The following TTF2 variants were observed in gnomAD, a reference collection of about 807,000 sequenced individuals.
TTF2 encodes the protein RNA polymerase II termination factor.
TTF2 carries 108 observed loss-of-function variants against 142.4 expected under a neutral mutation model. The observed-to-expected ratio is 0.76, with a 90% CI of 0.65 to 0.89. TTF2 has a LOEUF of 0.89. Ranked by LOEUF, TTF2 falls within the 40% of genes least tolerant of loss-of-function variation. The pLI is 0.00. For synonymous variants in TTF2, 483 were observed against 506.2 expected (o/e 0.95, Z 0.61); for missense variants, 1,327 against 1,379.8 (o/e 0.96, Z 0.61).
chr1:117,097,188 G>T lies in TTF2; in HGVS notation c.3187-163G>T, dbSNP rs1649223704. Among the ~76,000 whole-genome samples the T allele has an allele frequency of 1.3e-5, 2 of 150,880 alleles. 1 individual carries two copies. Among genetic ancestry groups the T allele is most frequent in the South Asian group, 4.2e-4 (2 of 4,768 alleles). ...GAATTTTCTCAAAAGTGAGACATGG[G>T]AGATAGCATTATAATGTTAAAAAAA... On this transcript the variant is annotated intron_variant, in intron 20 of 22. Transcript: ENST00000369466. The surrounding 1 kb of genome is among the most constrained non-coding windows in gnomAD (Gnocchi z 4.1).
intron 2 of TTF2, among the ~76,000 whole-genome samples, chr1:117,062,039 G>T (rs73006014): frequency 0.01 from 1,598 of 152,306 alleles, 30 homozygotes; most frequent in African/African-American, 0.037. Flanking sequence ...TAGAGGGAAA[G>T]GATGAAGGGA....
At position 117,080,888 on chromosome 1, in the gene TTF2, G is replaced by A. The variant is rs1647445198; in HGVS notation, c.1784-940G>A. Among the ~76,000 whole-genome samples, 1 of 152,124 alleles carries A rather than the reference G, an allele frequency of 6.6e-6. No individual in the cohort carries two copies. Among genetic ancestry groups the A allele is most frequent in the Admixed American group, 6.5e-5 (1 of 15,280 alleles). On this transcript the variant is annotated intron_variant, in intron 9 of 22. Transcript: ENST00000369466. The surrounding 1 kb of genome is among the most constrained non-coding windows in gnomAD (Gnocchi z 4.3). ...GGGAGTTGTGACAACAGGCGTCAAA[G>A]GTTCCCTAGGAAGCTCATTAGAGAT...
rs774108481 is a variant in TTF2, at chr1:117,081,871, C to T, written c.1827C>T (p.Leu609=). The change falls in exon 10 of 23, where the codon CTC becomes CTT. Residue 609 remains leucine, a synonymous_variant. Transcript: ENST00000369466. ...GLGKTLTMIA[L]ILTQKNQEKK... Reference sequence around the variant, plus strand: ...GAAAAACCCTGACAATGATTGCGCTCATCCTGACCCAGAAGAATCAAGAGA... The same window carrying T: ...GAAAAACCCTGACAATGATTGCGCTTATCCTGACCCAGAAGAATCAAGAGA... 1.9e-6 allele frequency: 3 copies of T among 1,614,138 alleles called. No individual in the cohort carries two copies. The highest frequency in any genetic ancestry group is 2.2e-5 in the East Asian group (1 of 44,872).
At chr1:117,089,009 ATATGAACCCTGTCTG>A in intron 13 of TTF2, 27 bp downstream of exon 13, 1 of 1,578,116 alleles carries the variant, frequency 6.3e-7, no homozygotes, top group South Asian at 1.2e-5. Flanking sequence ...GATTGTGTAA[ATATGAACCCTGTCTG>A]TATCCCTTCA....
chr1:117,076,818 A>G lies in TTF2; in HGVS notation c.1568A>G (p.Tyr523Cys), dbSNP rs758676097. ...QVTAGGSSQC[Y>C]RGHTNQDHVH... Reference sequence around the variant, plus strand: ...ACTGCTGGAGGATCCAGTCAGTGCTATCGAGGTAAGACCCAAGGGCCTGAC... The same window carrying G: ...ACTGCTGGAGGATCCAGTCAGTGCTGTCGAGGTAAGACCCAAGGGCCTGAC... Residue 523 changes from tyrosine to cysteine, a missense_variant, in exon 7 of 23, where the codon TAT becomes TGT. Tyr to Cys is a radical substitution (Grantham distance 194, BLOSUM62 -2). Coordinates refer to ENST00000369466, the MANE Select transcript of TTF2 (RefSeq NM_003594.4). The surrounding 1 kb of genome is among the most constrained non-coding windows in gnomAD (Gnocchi z 4.6). The G allele has an allele frequency of 6.2e-7, 1 of 1,611,966 alleles. No individual in the cohort carries two copies. The highest frequency in any genetic ancestry group is 1.6e-4 in the Middle Eastern group (1 of 6,076).
rs374532982 is a variant in TTF2 at position 117,088,791 on chromosome 1, A to C, written c.2161-10A>C. ...ATATTGTGGCTGGATTTCACTTGTGATTCTTCCAGGGCACCTCAACACCTT... is the reference window on the plus strand; with the variant it reads ...ATATTGTGGCTGGATTTCACTTGTGCTTCTTCCAGGGCACCTCAACACCTT... On this transcript the variant is annotated splice_polypyrimidine_tract_variant and intron_variant, in intron 12 of 22. Coordinates refer to ENST00000369466, the MANE Select transcript of TTF2 (RefSeq NM_003594.4). 4.3e-6 allele frequency: 7 copies of C among 1,610,800 alleles called. No individual in the cohort carries two copies. The highest frequency in any genetic ancestry group is 4.2e-6 in the Non-Finnish European group (5 of 1,178,702).
At chr1:117,066,045 C>G (rs1459107757) in intron 3 of TTF2, among the ~76,000 whole-genome samples, 1 of 143,778 alleles carries the variant, frequency 7.0e-6, no homozygotes, top group Non-Finnish European at 1.5e-5. Flanking sequence ...CTGTATTACC[C>G]AGCCTGGTCT....
rs146171442 is a variant in TTF2 at position 117,071,035 on chromosome 1, A to G, written c.219-2626A>G. ...GAAGGAAAGCAGAAGGAAGGAATTA[A>G]TGTTGGTAAAAATTGCATTTAATGA... On this transcript the variant is annotated intron_variant, in intron 3 of 22. Transcript: ENST00000369466. Among the ~76,000 whole-genome samples, 155 of 152,300 alleles carry G rather than the reference A, an allele frequency of 1.0e-3. 1 individual carries two copies. Among genetic ancestry groups the G allele is most frequent in the Non-Finnish European group, 4.4e-4 (30 of 68,016 alleles).
chr1:117,072,311 A>G lies in TTF2; in HGVS notation c.219-1350A>G, dbSNP rs555531963. Among the ~76,000 whole-genome samples the G allele has an allele frequency of 2.6e-5, 4 of 151,928 alleles. No homozygotes were observed. The South Asian group carries it at 8.3e-4, about 32-fold the overall frequency. On this transcript the variant is annotated intron_variant, in intron 3 of 22. Transcript: ENST00000369466. ...GCCAGCTCATGGCTACTCTTGTTCT[A>G]TATGTATCCTATCCACTTCACCCCG... is the stretch of plus-strand genomic sequence containing the variant.
At position 117,088,832 on chromosome 1, in the gene TTF2, G is replaced by A; in HGVS notation, c.2192G>A (p.Trp731Ter). 1.2e-6 allele frequency: 2 copies of A among 1,613,870 alleles called. No individual in the cohort carries two copies. Among genetic ancestry groups the A allele is most frequent in the African/African-American group, 1.3e-5 (1 of 75,008 alleles). Residue 731 changes from tryptophan (W) to a stop codon, truncating the protein, a stop_gained, in exon 13 of 23, where the codon TGG becomes TAG. Transcript: ENST00000369466. LOFTEE classifies it high-confidence loss of function. ...TCAACACCTTTGCTTCGAATAGCCT[G>A]GGCTCGAATCATATTGGATGAAGCT... ...GTSTPLLRIA[W>*]ARIILDEAHN...
chr1:117,089,937 T>G, intron 13 of TTF2, 118 bp from the exon 14 acceptor site: 1 of 1,189,762 alleles, frequency 8.4e-7, no homozygotes, highest in Non-Finnish European at 1.2e-6. Flanking sequence ...TAAAAGTGAT[T>G]GGATGACAGG....
intron 18 of TTF2, chr1:117,094,563 G>A (rs539000162): frequency 8.9e-5 from 42 of 469,352 alleles, no homozygotes; most frequent in East Asian, 4.2e-4. Context: ...TGGTTCCTCC[G>A]TCTGGACAGG....
At chr1:117,072,885 G>A (rs577320274) in intron 3 of TTF2, among the ~76,000 whole-genome samples, 9 of 152,290 alleles carry the variant, frequency 5.9e-5, no homozygotes, top group African/African-American at 2.2e-4. Context: ...GAGTAGAGGG[G>A]ACTATAGGTG....
At chr1:117,067,757 G>C (rs1032134757) in intron 3 of TTF2, among the ~76,000 whole-genome samples, 1 of 152,178 alleles carries the variant, frequency 6.6e-6, no homozygotes, top group East Asian at 1.9e-4. Flanking sequence ...TGAGAGTACA[G>C]CCTTTCCCTC....
In TTF2 at chr1:117,076,911, T is replaced by G; in HGVS notation, c.1573+88T>G. ...TACAGTAGTCACCTCTTATCCACAC[T>G]TTCAGTTAACCTTAGTCACCTGTGG... On this transcript the variant is annotated intron_variant, in intron 7 of 22. Coordinates refer to ENST00000369466, the MANE Select transcript of TTF2 (RefSeq NM_003594.4). The surrounding 1 kb of genome is among the most constrained non-coding windows in gnomAD (Gnocchi z 4.6). 4 of 1,277,272 alleles carry G rather than the reference T, an allele frequency of 3.1e-6. No individual in the cohort carries two copies. Among genetic ancestry groups the G allele is most frequent in the Non-Finnish European group, 4.3e-6 (4 of 936,056 alleles). 79.1% of individuals were successfully genotyped at this position (1,277,272 alleles called of 1,614,324 possible).
Position 117,101,334 on chromosome 1 carries a change from C to T in TTF2, c.3345-46C>T. On this transcript the variant is annotated intron_variant, in intron 22 of 22. Coordinates refer to ENST00000369466, the MANE Select transcript of TTF2 (RefSeq NM_003594.4). The surrounding 1 kb of genome is among the most constrained non-coding windows in gnomAD (Gnocchi z 5.9). ...TTTGAATATATTATTAGATGTGCTGCTTAGGGTTTTTGATAGTTTGCTTAT... is the reference window on the plus strand; with the variant it reads ...TTTGAATATATTATTAGATGTGCTGTTTAGGGTTTTTGATAGTTTGCTTAT... 6.5e-7 allele frequency: 1 copy of T among 1,527,950 alleles called. No individual in the cohort carries two copies. The highest frequency in any genetic ancestry group is 1.3e-5 in the South Asian group (1 of 77,992). The allele number at this position is 1,527,950 out of a possible 1,614,324, so 94.6% of individuals were successfully genotyped here.
chr1:117,071,208 T>C (rs769262822), intron 3 of TTF2, among the ~76,000 whole-genome samples: 10 of 151,948 alleles, frequency 6.6e-5, no homozygotes, highest in Non-Finnish European at 1.2e-4. Context: ...ACAGTTTCAC[T>C]CCTTGTGCCA....
chr1:117,094,668 G>A, intron 18 of TTF2: 1 of 486,054 alleles, frequency 2.1e-6, no homozygotes, highest in East Asian at 6.1e-5. Context: ...TCTCTGTTTT[G>A]GCCATGTGTG....
chr1:117,074,585 C>T (rs1293697086), intron 4 of TTF2, among the ~76,000 whole-genome samples: 2 of 151,772 alleles, frequency 1.3e-5, no homozygotes. Context: ...AATGCAGGAA[C>T]AGAAAACCAA....
Sources: gnomAD v4.1 joint callset for allele counts (sites outside exome capture counted in the v4.1 genomes callset) on GRCh38, gnomAD v4.1.1 for gene constraint, Gnocchi (gnomAD v3.1) non-coding constraint, MANE v1.5 for transcripts, NCBI Gene and HGNC (gene_info 2026-07-23, HGNC 2026-07-21) for gene names.